Variants in RGPD2 observed in about 807,000 individuals in gnomAD.
RGPD2 encodes the protein RANBP2 like and GRIP domain containing 2.
In RGPD2, 2 loss-of-function variants were observed where a neutral mutation model predicts 36.0. That is an observed-to-expected ratio of 0.06 (90% CI 0.02 to 0.17). The LOEUF (loss-of-function observed/expected upper bound fraction) is 0.17. Among genes scored for constraint, RGPD2 ranks in the 10% least tolerant of loss-of-function variants. RGPD2 has a pLI of 1.00. For missense variants in RGPD2, 40 were observed against 464.3 expected (o/e 0.09, Z 8.40); for synonymous variants, 19 against 163.8 (o/e 0.12, Z 6.75).
chr2:87,854,893 C>A, the RGPD2 span, among the ~76,000 whole-genome samples: 1 of 152,052 alleles, frequency 6.6e-6, no homozygotes, highest in African/African-American at 2.4e-5. Context: ...AAAAATTGTA[C>A]GTATTCAAGT....
chr2:87,931,138 C>T, the RGPD2 span, among the ~76,000 whole-genome samples: 14 of 16,076 alleles, frequency 8.7e-4, no homozygotes, highest in African/African-American at 3.0e-3. Context: ...TTTGCTCTTG[C>T]TTCTCTAGTT....
the RGPD2 span, among the ~76,000 whole-genome samples, chr2:87,882,510 T>C: frequency 6.6e-6 from 1 of 152,254 alleles, no homozygotes; most frequent in Non-Finnish European, 1.5e-5. Flanking sequence ...CTTTGTAATA[T>C]ATTTTGAAAT....
chr2:87,834,039 T>A, the RGPD2 span, among the ~76,000 whole-genome samples: 1 of 83,658 alleles, frequency 1.2e-5, no homozygotes, highest in African/African-American at 4.7e-5. Flanking sequence ...TGCAAAAAAA[T>A]TTATAAAACA....
At chr2:87,863,920 A>AT in the RGPD2 span, among the ~76,000 whole-genome samples, 3 of 152,008 alleles carry the variant, frequency 2.0e-5, no homozygotes, top group Non-Finnish European at 2.9e-5. Context: ...AGATCAATGG[A>AT]TTTTTTGTTG....
At chr2:87,918,697 T>C in the RGPD2 span, among the ~76,000 whole-genome samples, 1 of 152,072 alleles carries the variant, frequency 6.6e-6, no homozygotes, top group Non-Finnish European at 1.5e-5. Flanking sequence ...CCAAAAATAC[T>C]ACTGGAATGG....
chr2:87,906,833 C>T, the RGPD2 span, among the ~76,000 whole-genome samples: 3 of 147,794 alleles, frequency 2.0e-5, no homozygotes, highest in African/African-American at 7.5e-5. Flanking sequence ...GTGGGAAGAG[C>T]ACCTGAGCCC....
chr2:87,939,673 T>A, the RGPD2 span, among the ~76,000 whole-genome samples: 1 of 151,898 alleles, frequency 6.6e-6, no homozygotes, highest in Non-Finnish European at 1.5e-5. Flanking sequence ...TATGACAGCG[T>A]ATCTCCCAAT....
At chr2:87,970,030 G>T in the RGPD2 span, among the ~76,000 whole-genome samples, 1 of 151,716 alleles carries the variant, frequency 6.6e-6, no homozygotes, top group Admixed American at 6.5e-5. Flanking sequence ...TGTCATACCA[G>T]TATTAATTAT....
At chr2:87,913,449 T>C in the RGPD2 span, among the ~76,000 whole-genome samples, 1 of 151,642 alleles carries the variant, frequency 6.6e-6, no homozygotes, top group Non-Finnish European at 1.5e-5. Flanking sequence ...TGCTAAATGA[T>C]GAGTTGATGG....
At chr2:87,937,350 A>T in the RGPD2 span, among the ~76,000 whole-genome samples, 2 of 151,812 alleles carry the variant, frequency 1.3e-5, no homozygotes, top group African/African-American at 4.8e-5. Flanking sequence ...AGGGTGTGTT[A>T]GTCTGTTTTG....
At chr2:87,967,458 T>A in the RGPD2 span, among the ~76,000 whole-genome samples, 1 of 150,056 alleles carries the variant, frequency 6.7e-6, no homozygotes, top group African/African-American at 2.5e-5. Context: ...TAAGAAAATA[T>A]CTGATAATTA....
At chr2:87,952,545 C>T in the RGPD2 span, among the ~76,000 whole-genome samples, 1 of 152,174 alleles carries the variant, frequency 6.6e-6, no homozygotes, top group Non-Finnish European at 1.5e-5. Flanking sequence ...TTTTCAGCTT[C>T]AGCCAATGTT....
At chr2:87,847,198 G>GT in the RGPD2 span, among the ~76,000 whole-genome samples, 1 of 151,890 alleles carries the variant, frequency 6.6e-6, no homozygotes, top group Admixed American at 6.6e-5. Flanking sequence ...CACTTTGCAT[G>GT]TTAAGCGTAA....
chr2:87,958,472 T>C, the RGPD2 span, among the ~76,000 whole-genome samples: 1 of 152,240 alleles, frequency 6.6e-6, no homozygotes, highest in Non-Finnish European at 1.5e-5. Context: ...TTCCTGCATA[T>C]ACACCACATA....
chr2:87,825,977 C>T (rs936550123), upstream of RGPD2: 1 of 482,738 alleles, frequency 2.1e-6, no homozygotes, highest in Non-Finnish European at 3.7e-6. Flanking sequence ...TGGCTCACGC[C>T]TGTAATCCCA....
chr2:87,853,789 CTCTT>C, the RGPD2 span, among the ~76,000 whole-genome samples: 33 of 151,866 alleles, frequency 2.2e-4, no homozygotes, highest in Non-Finnish European at 4.9e-4. Flanking sequence ...AATCCTTATG[CTCTT>C]TCTATTTTGT....
At chr2:87,839,354 T>A in the RGPD2 span, among the ~76,000 whole-genome samples, 1 of 151,954 alleles carries the variant, frequency 6.6e-6, no homozygotes, top group African/African-American at 2.4e-5. Context: ...GAATGGCTAT[T>A]ATCAAAAAGT....
At chr2:87,872,769 A>AT in the RGPD2 span, among the ~76,000 whole-genome samples, 189 of 150,974 alleles carry the variant, frequency 1.3e-3, no homozygotes, top group Non-Finnish European at 2.2e-3. Flanking sequence ...TAATATTATT[A>AT]TTTTTTCCGA....
the RGPD2 span, among the ~76,000 whole-genome samples, chr2:87,915,589 C>CAT: frequency 7.1e-6 from 1 of 141,266 alleles, no homozygotes; most frequent in South Asian, 2.2e-4. Flanking sequence ...TGTGTATATA[C>CAT]ACATATATAT....
Sources: allele counts gnomAD v4.1 joint callset (sites outside exome capture counted in the v4.1 genomes callset), GRCh38; gene constraint gnomAD v4.1.1; transcripts MANE v1.5; gene names NCBI Gene and HGNC (gene_info 2026-07-23, HGNC 2026-07-21).